NDST2: variants seen among roughly 807,000 people sequenced by gnomAD.
The protein encoded by NDST2 is N-deacetylase and N-sulfotransferase 2.
NDST2 carries 32 observed loss-of-function variants against 86.9 expected under a neutral mutation model. That is an observed-to-expected ratio of 0.37 (90% CI 0.28 to 0.49). NDST2 has a LOEUF of 0.49. NDST2 is among the 20% of genes least tolerant of loss of function. The probability of loss-of-function intolerance (pLI) is 0.97; values close to 1 mark genes in which losing one functional copy is unlikely to be tolerated. For missense variants in NDST2, 950 were observed against 1,146.9 expected (o/e 0.83, Z 2.48); for synonymous variants, 409 against 437.0 (o/e 0.94, Z 0.80).
Position 73,802,410 on chromosome 10 carries a change from G to T in NDST2, c.*41C>A. The T allele has an allele frequency of 6.2e-7, 1 of 1,610,682 alleles. No individual in the cohort carries two copies. The highest frequency in any genetic ancestry group is 1.1e-5 in the South Asian group (1 of 90,896). ...GGCCCTGCTCTGGACCTGCCCCTTAGGGAAGCAGGGGGCATTTTGCTGGTA... is the reference window on the plus strand; with the variant it reads ...GGCCCTGCTCTGGACCTGCCCCTTATGGAAGCAGGGGGCATTTTGCTGGTA... On this transcript the variant is annotated 3_prime_UTR_variant, in exon 15 of 15. Transcript: ENST00000309979.
At chr10:73,807,331 C>T (rs2084120761) in intron 3 of NDST2, 53 bp downstream of exon 3, 1 of 1,600,340 alleles carries the variant, frequency 6.2e-7, no homozygotes, top group Non-Finnish European at 8.5e-7. Context: ...GGGAGTCTGA[C>T]AGGCCAGAGT....
rs1480677421 is a variant in NDST2, at chr10:73,803,378, G to A, written c.2143-19C>T. The A allele has an allele frequency of 1.9e-6, 3 of 1,613,868 alleles. No homozygotes were observed. Among genetic ancestry groups the A allele is most frequent in the Non-Finnish European group, 2.5e-6 (3 of 1,179,852 alleles). On this transcript the variant is annotated intron_variant, in intron 11 of 14. Transcript: ENST00000309979. ...GCTGATGCTGAAGGACAAAGAGAAG[G>A]AAGGTGAAGGACTGGTGATTTGACA...
At chr10:73,804,343 T>C (rs1322192850) in intron 9 of NDST2, among the ~76,000 whole-genome samples, 1 of 152,132 alleles carries the variant, frequency 6.6e-6, no homozygotes, top group African/African-American at 2.4e-5. Flanking sequence ...TTTTCTCTCT[T>C]AAAAATTCAA....
chr10:73,810,940 G>A (rs1669190303), intron 1 of NDST2, 37 bp from the exon 2 acceptor site: 2 of 398,848 alleles, frequency 5.0e-6, no homozygotes, highest in Non-Finnish European at 8.8e-6. Context: ...AGGGGCGCCG[G>A]GAGCGCCGCA....
chr10:73,802,941 A>C, intron 13 of NDST2, 31 bp downstream of exon 13: 1 of 1,600,916 alleles, frequency 6.2e-7, no homozygotes, highest in South Asian at 1.1e-5. Flanking sequence ...TTTCCCATAC[A>C]GTACTCCTCC....
chr10:73,807,590 G>GTA lies in NDST2; in HGVS notation c.797_798dup (p.Gln267TyrfsTer50). The GTA allele has an allele frequency of 4.3e-6, 7 of 1,614,216 alleles. No individual in the cohort carries two copies. The highest frequency in any genetic ancestry group is 5.1e-6 in the Non-Finnish European group (6 of 1,180,034). ...ATGCCATCATGAAGCCCCAGGTCCT[G>GTA]TACCACAGTGGGAAGCCGGGCCCGA... is the stretch of plus-strand genomic sequence containing the variant. On this transcript the variant is annotated frameshift_variant, in exon 3 of 15. Coordinates refer to ENST00000309979, the MANE Select transcript of NDST2 (RefSeq NM_003635.4). LOFTEE classifies it high-confidence loss of function.
chr10:73,804,031 A>G lies in NDST2; in HGVS notation c.1844-15T>C, dbSNP rs2084056403. The G allele has an allele frequency of 2.5e-6, 4 of 1,612,278 alleles. No homozygotes were observed. Among genetic ancestry groups the G allele is most frequent in the Non-Finnish European group, 2.5e-6 (3 of 1,179,006 alleles). On this transcript the variant is annotated splice_polypyrimidine_tract_variant and intron_variant, in intron 9 of 14. Coordinates refer to ENST00000309979, the MANE Select transcript of NDST2 (RefSeq NM_003635.4). ...AGCTGTAGTCCCTAAATGGGAGAGA[A>G]AGACCAGCTTCAGGCAGCCATTGTG...
At chr10:73,803,138 G>A (rs1302715261) in intron 12 of NDST2, 51 bp downstream of exon 12, 2 of 1,613,538 alleles carry the variant, frequency 1.2e-6, no homozygotes, top group South Asian at 1.1e-5. Flanking sequence ...TGGGCTGAAG[G>A]GAAGAAGAGG....
At position 73,807,696 on chromosome 10, in the gene NDST2, T is replaced by C. The variant is rs1169411216; in HGVS notation, c.693A>G (p.Gln231=). 6.2e-6 allele frequency: 10 copies of C among 1,614,188 alleles called. No individual in the cohort carries two copies. Among genetic ancestry groups the C allele is most frequent in the Non-Finnish European group, 7.6e-6 (9 of 1,180,036 alleles). The stretch of plus-strand genomic sequence containing the variant: ...CTGGTTCATATGTACTATGATTGGA[T>C]TGGAAGATGGTCCAGTCATCACCAG... The part of the protein sequence containing the change: ...PLPGDDWTIF[Q]SNHSTYEPVL... The change falls in exon 3 of 15, where the codon CAA becomes CAG. Residue 231 remains glutamine (Q), a synonymous_variant. Transcript: ENST00000309979.
intron 11 of NDST2, 90 bp downstream of exon 11, chr10:73,803,484 A>G: frequency 6.8e-7 from 1 of 1,475,766 alleles, no homozygotes; most frequent in Non-Finnish European, 9.4e-7. Flanking sequence ...AAGTTTCTCA[A>G]ACCTCACTCC....
rs1285797123 is a variant in NDST2 at position 73,805,667 on chromosome 10, G to A, written c.1666C>T (p.Arg556Cys). The stretch of plus-strand genomic sequence containing the variant: ...GGGACAGGAGGAAGGGTCTGTAGGC[G>A]CAGCCGTGTCCAACACTGGAGGAAG... ...VRFLQCWTRL[R>C]LQTLPPVPLA... The change falls in exon 8 of 15, where the codon CGC becomes TGC. Residue 556 changes from arginine (R) to cysteine (C), a missense_variant. Arg to Cys is a radical substitution (Grantham distance 180). This residue lies in a region of NDST2 where 586 missense variants were observed against 714.0 expected (regional missense o/e 0.82). Coordinates refer to ENST00000309979, the MANE Select transcript of NDST2 (RefSeq NM_003635.4). 4.3e-6 allele frequency: 7 copies of A among 1,614,212 alleles called. No individual in the cohort carries two copies. Among genetic ancestry groups the A allele is most frequent in the Non-Finnish European group, 4.2e-6 (5 of 1,180,048 alleles).
At chr10:73,804,705 G>A (rs535440484) in intron 9 of NDST2, 68 bp downstream of exon 9, 2 of 896,510 alleles carry the variant, frequency 2.2e-6, no homozygotes, top group South Asian at 3.0e-5. Context: ...AGAGAGAAGA[G>A]AGTTCCTTGA....
Position 73,803,303 on chromosome 10 carries a change from A to G in NDST2, c.2199T>C (p.Ile733=), listed in dbSNP as rs201850505. Residue 733 remains isoleucine (I), a synonymous_variant, in exon 12 of 15, where the codon ATT becomes ATC. Transcript: ENST00000309979. The part of the protein sequence containing the change: ...VALNYTFYQV[I]SASSQTPLAL... ...CCAGAGGGGTCTGGGAGGAGGCTGAAATCACCTGATAGAAGGTATAGTTCA... is the reference window on the plus strand; with the variant it reads ...CCAGAGGGGTCTGGGAGGAGGCTGAGATCACCTGATAGAAGGTATAGTTCA... 60 of 1,614,234 alleles carry G rather than the reference A, an allele frequency of 3.7e-5. No homozygotes were observed. The highest frequency in any genetic ancestry group is 5.0e-5 in the Non-Finnish European group (59 of 1,180,038).
At chr10:73,809,319 G>A (rs1043338003) in intron 2 of NDST2, among the ~76,000 whole-genome samples, 1 of 152,224 alleles carries the variant, frequency 6.6e-6, no homozygotes, top group African/African-American at 2.4e-5. Context: ...CCTCATGATA[G>A]GTAATCATTC....
rs772964699 is a variant in NDST2, at chr10:73,803,033, T to C, written c.2362A>G (p.Met788Val). ...QELRTNPAAS[M>V]ESIQKFLGIT... ...CCCAGGAACTTCTGGATGCTCTCCA[T>C]TGAGGCTGCTGGGTTGGTACGCAGC... is the stretch of plus-strand genomic sequence containing the variant. Residue 788 changes from methionine (M) to valine (V), a missense_variant, in exon 13 of 15, where the codon ATG becomes GTG. Coordinates refer to ENST00000309979, the MANE Select transcript of NDST2 (RefSeq NM_003635.4). 5.6e-6 allele frequency: 9 copies of C among 1,614,228 alleles called. No homozygotes were observed. The highest frequency in any genetic ancestry group is 1.1e-5 in the South Asian group (1 of 91,080).
rs1160326805 is a variant in NDST2, at chr10:73,802,124, A to AGAT, written c.*324_*326dup. ...TCTCTCCCATAGCCAGGTATAGAATAGATACACTGCTGCGGATGAAGAGGG... is the reference window on the plus strand; with the variant it reads ...TCTCTCCCATAGCCAGGTATAGAATAGATGATACACTGCTGCGGATGAAGAGGG... On this transcript the variant is annotated 3_prime_UTR_variant, in exon 15 of 15. Transcript: ENST00000309979. 9.4e-6 allele frequency: 4 copies of AGAT among 427,522 alleles called. No homozygotes were observed. The highest frequency in any genetic ancestry group is 6.0e-5 in the African/African-American group (3 of 50,044). The allele number at this position is 427,522 out of a possible 1,614,324, so 26.5% of individuals were successfully genotyped here. A position where few individuals can be genotyped will look rare whatever the true frequency, so the allele number is the denominator to read the frequency against.
In NDST2 at chr10:73,806,716, G is replaced by C; in HGVS notation, c.1189C>G (p.Leu397Val). ...PHMWSHMQPHLFHNRSVLADQ... is the reference protein window; with the variant it reads ...PHMWSHMQPHVFHNRSVLADQ... ...GCCAGCACGGAGCGATTGTGGAACA[G>C]GTGTGGCTGCATGTGGCTCCACATG... Residue 397 changes from leucine (L) to valine (V), a missense_variant, in exon 5 of 15, where the codon CTG becomes GTG. Around this residue, in one of 5 missense-constraint regions of NDST2, gnomAD observed 586 missense variants for 714.0 expected, o/e 0.82. Transcript: ENST00000309979. This position sits in a 1 kb window ranked among gnomAD's most constrained non-coding sequence, Gnocchi z 4.5. 6.2e-7 allele frequency: 1 copy of C among 1,614,194 alleles called. No individual in the cohort carries two copies. Among genetic ancestry groups the C allele is most frequent in the Non-Finnish European group, 8.5e-7 (1 of 1,180,028 alleles).
chr10:73,804,822 T>C lies in NDST2; in HGVS notation c.1794A>G (p.Lys598=). Residue 598 remains lysine (K), a synonymous_variant, in exon 9 of 15, where the codon AAA becomes AAG. Coordinates refer to ENST00000309979, the MANE Select transcript of NDST2 (RefSeq NM_003635.4). ...GGAACTTCGGGAGACGATCACAGGT[T>C]TTCTCCTTGGACCAGATATCTTTGT... ...KRHKDIWSKE[K]TCDRLPKFLI... is the part of the protein sequence containing the mutation. 2.5e-6 allele frequency: 4 copies of C among 1,613,478 alleles called. No homozygotes were observed. The highest frequency in any genetic ancestry group is 3.4e-6 in the Non-Finnish European group (4 of 1,179,668).
Position 73,810,805 on chromosome 10 carries a change from C to G in NDST2, c.-348G>C. On this transcript the variant is annotated 5_prime_UTR_variant, in exon 2 of 15. Transcript: ENST00000309979. ...ACTCAGAGAAGCTTAGAACCTTGCC[C>G]AGGATCACACAGCTCAGTTGGTGGG... is the stretch of plus-strand genomic sequence containing the variant. The G allele has an allele frequency of 2.5e-6, 1 of 399,086 alleles. No individual in the cohort carries two copies. 24.7% of individuals were successfully genotyped at this position (399,086 alleles called of 1,614,324 possible). A position where few individuals can be genotyped will look rare whatever the true frequency, so the allele number is the denominator to read the frequency against.
Sources: allele counts gnomAD v4.1 joint callset (sites outside exome capture counted in the v4.1 genomes callset), GRCh38; gene constraint gnomAD v4.1.1; regional missense constraint gnomAD v4.1.1; non-coding constraint Gnocchi (gnomAD v3.1); transcripts MANE v1.5; gene names NCBI Gene and HGNC (gene_info 2026-07-23, HGNC 2026-07-21).